The following RNF217 variants were observed in gnomAD, a reference collection of about 807,000 sequenced individuals.
RNF217 encodes ring finger protein 217.
A neutral mutation model predicts 57.8 loss-of-function variants in RNF217; 31 were observed. The observed-to-expected ratio is 0.54, with a 90% CI of 0.40 to 0.72. RNF217 has a LOEUF of 0.72. RNF217 is among the 30% of genes least tolerant of loss of function. The pLI, the probability that RNF217 is intolerant of heterozygous loss-of-function variation, is 0.00. For synonymous variants in RNF217, 313 were observed against 294.0 expected (o/e 1.06, Z -0.66); for missense variants, 696 against 708.3 (o/e 0.98, Z 0.20).
chr6:125,047,698 A>C (rs1262835355), intron 2 of RNF217, among the ~76,000 whole-genome samples: 1 of 151,902 alleles, frequency 6.6e-6, no homozygotes, highest in Non-Finnish European at 1.5e-5. Flanking sequence ...CCTCAGATCA[A>C]CATCTTAAAT....
intron 3 of RNF217, among the ~76,000 whole-genome samples, chr6:125,062,110 C>T (rs1165073538): frequency 6.6e-6 from 1 of 152,002 alleles, no homozygotes; most frequent in Non-Finnish European, 1.5e-5. Flanking sequence ...TCTGTACTTA[C>T]ACTGGTGAGT....
At position 125,086,907 on chromosome 6, in the gene RNF217, T is replaced by G. The variant is rs1169762029; in HGVS notation, c.*3970T>G. On this transcript the variant is annotated 3_prime_UTR_variant, in exon 6 of 6. Coordinates refer to ENST00000521654, the MANE Select transcript of RNF217 (RefSeq NM_001286398.3). ...CAAGGCTCCAATTGAGCCTTTATCT[T>G]TCAACCTTACCACCCAAGTATATGA... 2 of 152,128 alleles carry G rather than the reference T, an allele frequency of 1.3e-5. No homozygotes were observed. Among genetic ancestry groups the G allele is most frequent in the African/African-American group, 4.8e-5 (2 of 41,436 alleles). The allele number at this position is 152,128 out of a possible 1,614,324, so 9.4% of individuals were successfully genotyped here.
intron 3 of RNF217, among the ~76,000 whole-genome samples, chr6:125,061,345 A>G (rs1787725559): frequency 6.6e-6 from 1 of 151,720 alleles, no homozygotes; most frequent in Non-Finnish European, 1.5e-5. Flanking sequence ...AGTATTTTTT[A>G]AATATTAATT....
intron 1 of RNF217, among the ~76,000 whole-genome samples, chr6:124,966,884 A>G (rs1350360041): frequency 6.6e-6 from 1 of 152,238 alleles, no homozygotes; most frequent in African/African-American, 2.4e-5. Flanking sequence ...AAATACCTCT[A>G]TGCTCTGTAT....
Position 125,087,140 on chromosome 6 carries a change from A to C in RNF217, c.*4203A>C, listed in dbSNP as rs923486141. On this transcript the variant is annotated 3_prime_UTR_variant, in exon 6 of 6. Coordinates refer to ENST00000521654, the MANE Select transcript of RNF217 (RefSeq NM_001286398.3). ...TTCCTGACCTTTGTCAAATGAGGGC[A>C]CATCTGCCAAGACATCAGTCCAGCT... 6 of 152,146 alleles carry C rather than the reference A, an allele frequency of 3.9e-5. No homozygotes were observed. Among genetic ancestry groups the C allele is most frequent in the Admixed American group, 2.0e-4 (3 of 15,262 alleles). The allele number at this position is 152,146 out of a possible 1,614,324, so 9.4% of individuals were successfully genotyped here.
chr6:125,021,031 A>G (rs751720986), intron 1 of RNF217, among the ~76,000 whole-genome samples: 18 of 152,156 alleles, frequency 1.2e-4, no homozygotes, highest in Non-Finnish European at 1.9e-4. Context: ...GTTTGGCAAT[A>G]TGTGTTAAAA....
At chr6:125,038,284 A>T (rs1786729644) in intron 1 of RNF217, among the ~76,000 whole-genome samples, 1 of 152,176 alleles carries the variant, frequency 6.6e-6, no homozygotes. Flanking sequence ...CATTAAGTAG[A>T]TAAAATCCAG....
intron 2 of RNF217, among the ~76,000 whole-genome samples, chr6:125,052,432 C>T (rs930232868): frequency 7.9e-5 from 12 of 151,854 alleles, no homozygotes; most frequent in Non-Finnish European, 1.5e-4. Context: ...CTGTGAGAAA[C>T]TAAGGCAAGG....
intron 1 of RNF217, among the ~76,000 whole-genome samples, chr6:125,002,323 A>G (rs1396407276): frequency 1.3e-5 from 2 of 152,158 alleles, no homozygotes; most frequent in African/African-American, 2.4e-5. Flanking sequence ...CATGACCTCA[A>G]GCCTCCTAAT....
intron 1 of RNF217, among the ~76,000 whole-genome samples, chr6:125,024,753 G>T (rs1446460918): frequency 6.6e-6 from 1 of 151,198 alleles, no homozygotes; most frequent in Admixed American, 6.6e-5. Flanking sequence ...AAAGTGGGCA[G>T]TCAGGGGGAC....
intron 4 of RNF217, among the ~76,000 whole-genome samples, chr6:125,081,013 A>G (rs986096534): frequency 3.3e-5 from 5 of 152,048 alleles, no homozygotes; most frequent in African/African-American, 1.2e-4. Flanking sequence ...CCTCTGTAGG[A>G]CCTACCAGCT....
intron 1 of RNF217, among the ~76,000 whole-genome samples, chr6:124,968,475 C>CAAGGAAGA (rs1443572578): frequency 6.6e-6 from 1 of 151,996 alleles, no homozygotes; most frequent in Non-Finnish European, 1.5e-5. Context: ...TGTTCTTTTA[C>CAAGGAAGA]TTTTTGAAAT....
chr6:124,963,548 G>A, intron 1 of RNF217, 122 bp downstream of exon 1: 1 of 1,185,178 alleles, frequency 8.4e-7, no homozygotes, highest in Non-Finnish European at 1.1e-6. Context: ...GAGGATCTCT[G>A]TTAGTTTCTC....
At position 125,085,727 on chromosome 6, in the gene RNF217, G is replaced by A. The variant is rs950477476; in HGVS notation, c.*2790G>A. On this transcript the variant is annotated 3_prime_UTR_variant, in exon 6 of 6. Coordinates refer to ENST00000521654, the MANE Select transcript of RNF217 (RefSeq NM_001286398.3). ...ACTTACCCCACCTCTTATTTTCTAG[G>A]GGTAACCACTGTTAATGGTTTGGTA... is the stretch of plus-strand genomic sequence containing the variant. The A allele has an allele frequency of 3.3e-5, 5 of 151,684 alleles. No homozygotes were observed. The highest frequency in any genetic ancestry group is 7.4e-5 in the Non-Finnish European group (5 of 67,798). 9.4% of individuals were successfully genotyped at this position (151,684 alleles called of 1,614,324 possible). A position where few individuals can be genotyped will look rare whatever the true frequency, so the allele number is the denominator to read the frequency against.
intron 4 of RNF217, among the ~76,000 whole-genome samples, chr6:125,080,069 G>A (rs1031172818): frequency 2.6e-5 from 4 of 151,852 alleles, no homozygotes; most frequent in African/African-American, 9.7e-5. Context: ...ATTACTATTA[G>A]GAAAATATAC....
intron 3 of RNF217, among the ~76,000 whole-genome samples, chr6:125,064,259 G>T (rs751554325): frequency 2.6e-5 from 4 of 152,092 alleles, no homozygotes; most frequent in Admixed American, 6.5e-5. Context: ...TAACTCTCCA[G>T]ATTGCTTAAA....
intron 2 of RNF217, among the ~76,000 whole-genome samples, chr6:125,057,462 A>G (rs771909387): frequency 2.0e-5 from 3 of 152,192 alleles, no homozygotes; most frequent in Non-Finnish European, 4.4e-5. Flanking sequence ...GATTACAGGC[A>G]TAAGCCACCA....
At chr6:125,068,115 G>A (rs550052246) in intron 3 of RNF217, among the ~76,000 whole-genome samples, 1 of 152,078 alleles carries the variant, frequency 6.6e-6, no homozygotes, top group African/African-American at 2.4e-5. Flanking sequence ...TGTTGGTACT[G>A]TGCACAGCTC....
At chr6:125,014,271 A>G (rs910195665) in intron 1 of RNF217, among the ~76,000 whole-genome samples, 26 of 152,218 alleles carry the variant, frequency 1.7e-4, no homozygotes, top group African/African-American at 6.0e-4. Flanking sequence ...AAATAGTGAT[A>G]GCAATCACTC....
Sources: allele counts gnomAD v4.1 joint callset (sites outside exome capture counted in the v4.1 genomes callset), GRCh38; gene constraint gnomAD v4.1.1; transcripts MANE v1.5; gene names NCBI Gene and HGNC (gene_info 2026-07-23, HGNC 2026-07-21).